Variants in CHP1 observed in about 807,000 individuals in gnomAD.
CHP1 encodes calcineurin B homologous protein 1.
In CHP1, 11 loss-of-function variants were observed where a neutral mutation model predicts 27.4. That is an observed-to-expected ratio of 0.40 (90% CI 0.25 to 0.67). CHP1 has a LOEUF of 0.67. CHP1 is among the 30% of genes least tolerant of loss of function. CHP1 has a pLI of 0.38. For missense variants in CHP1, 169 were observed against 251.3 expected (o/e 0.67, Z 2.22); for synonymous variants, 89 against 87.4 (o/e 1.02, Z -0.10).
Position 41,241,694 on chromosome 15 carries a change from C to T in CHP1, c.68-1973C>T, listed in dbSNP as rs542928057. On this transcript the variant is annotated intron_variant, in intron 1 of 6. Coordinates refer to ENST00000334660, the MANE Select transcript of CHP1 (RefSeq NM_007236.5). ...ACTAGGACAGAACAGAGCCCAGCTT[C>T]GAGGGTGAAACCTGATGCTGAAGAA... Among the ~76,000 whole-genome samples, 8 of 152,300 alleles carry T rather than the reference C, an allele frequency of 5.3e-5. No homozygotes were observed. The South Asian group carries it at 6.2e-4, about 12-fold the overall frequency.
Position 41,275,161 on chromosome 15 carries a change from C to CT in CHP1, c.412-3598dup, listed in dbSNP as rs1292536103. On this transcript the variant is annotated intron_variant, in intron 5 of 6. Coordinates refer to ENST00000334660, the MANE Select transcript of CHP1 (RefSeq NM_007236.5). Reference sequence around the variant, plus strand: ...AATGTACAACTTCCAATTTTCTTTTCTTTTTTTTCGTTTGAGAGGGAGTGT... The same window carrying CT: ...AATGTACAACTTCCAATTTTCTTTTCTTTTTTTTTCGTTTGAGAGGGAGTGT... Among the ~76,000 whole-genome samples the CT allele has an allele frequency of 2.6e-5, 4 of 151,448 alleles. No homozygotes were observed. In the South Asian group the frequency reaches 6.3e-4, roughly 24 times the overall value.
intron 2 of CHP1, among the ~76,000 whole-genome samples, chr15:41,254,332 C>G (rs920866436): frequency 1.3e-5 from 2 of 152,158 alleles, no homozygotes; most frequent in Non-Finnish European, 2.9e-5. Context: ...GTTTCTTAAG[C>G]TTGTTAGACA....
At chr15:41,246,511 G>A (rs2047335207) in intron 2 of CHP1, among the ~76,000 whole-genome samples, 2 of 151,056 alleles carry the variant, frequency 1.3e-5, no homozygotes, top group Admixed American at 6.6e-5. Context: ...GTAGAAACGG[G>A]GTTTCACCAT....
intron 4 of CHP1, among the ~76,000 whole-genome samples, chr15:41,265,710 C>CAAAAA: frequency 8.2e-6 from 1 of 121,658 alleles, no homozygotes; most frequent in African/African-American, 3.0e-5. Flanking sequence ...AACTCCATCT[C>CAAAAA]AAAAAAAAAA....
At position 41,262,800 on chromosome 15, in the gene CHP1, A is replaced by G; in HGVS notation, c.266A>G (p.His89Arg). The G allele has an allele frequency of 1.9e-6, 3 of 1,613,438 alleles. No homozygotes were observed. The highest frequency in any genetic ancestry group is 2.5e-6 in the Non-Finnish European group (3 of 1,179,832). ...NFRGFMRTLA[H>R]FRPIEDNEKS... ...CGTGGATTCATGCGAACTTTGGCTC[A>G]TTTCCGCCCCATTGAGGATAATGAA... The change falls in exon 4 of 7, where the codon CAT becomes CGT. Residue 89 changes from histidine (H) to arginine (R), a missense_variant. Physicochemically the swap from His to Arg is conservative, Grantham distance 29. Coordinates refer to ENST00000334660, the MANE Select transcript of CHP1 (RefSeq NM_007236.5).
At chr15:41,272,579 C>T (rs549455696) in intron 5 of CHP1, among the ~76,000 whole-genome samples, 88 of 151,540 alleles carry the variant, frequency 5.8e-4, no homozygotes, top group African/African-American at 2.0e-3. Flanking sequence ...CACCACCATA[C>T]CCAGCTAATT....
chr15:41,269,400 T>C (rs892169697), intron 4 of CHP1, among the ~76,000 whole-genome samples: 2 of 152,188 alleles, frequency 1.3e-5, no homozygotes, highest in African/African-American at 4.8e-5. Context: ...AGGGGAGTGA[T>C]ATTTAAACCT....
At chr15:41,246,694 C>T (rs543013992) in intron 2 of CHP1, among the ~76,000 whole-genome samples, 1 of 139,656 alleles carries the variant, frequency 7.2e-6, no homozygotes, top group Non-Finnish European at 1.5e-5. Flanking sequence ...GATATCCTGA[C>T]CTCGTGATGC....
chr15:41,238,161 G>A (rs11857726), intron 1 of CHP1, among the ~76,000 whole-genome samples: 60,348 of 151,534 alleles, frequency 0.4, 12,712 homozygotes, highest in African/African-American at 0.52. Flanking sequence ...TTTTTTTGGC[G>A]TGTGTTTTTT....
chr15:41,274,000 G>T (rs935220293), intron 5 of CHP1, among the ~76,000 whole-genome samples: 2 of 151,542 alleles, frequency 1.3e-5, no homozygotes, highest in African/African-American at 4.8e-5. Context: ...TCGCTCTGTC[G>T]CTCGGGCTGG....
At chr15:41,250,800 CAA>C (rs1204567678) in intron 2 of CHP1, among the ~76,000 whole-genome samples, 1 of 150,676 alleles carries the variant, frequency 6.6e-6, no homozygotes, top group African/African-American at 2.4e-5. Context: ...TTCAGAATAT[CAA>C]GAGGAGATAT....
intron 2 of CHP1, among the ~76,000 whole-genome samples, chr15:41,246,944 G>A (rs2047338058): frequency 6.6e-6 from 1 of 150,414 alleles, no homozygotes; most frequent in Non-Finnish European, 1.5e-5. Flanking sequence ...CCAGCACTTT[G>A]GGAGGCTGAG....
At chr15:41,264,402 TAAC>T (rs1236902000) in intron 4 of CHP1, among the ~76,000 whole-genome samples, 1 of 152,100 alleles carries the variant, frequency 6.6e-6, no homozygotes, top group Non-Finnish European at 1.5e-5. Flanking sequence ...GATAGAATAA[TAAC>T]AAAGTGCTAT....
chr15:41,240,363 AAAG>A (rs1404825243), intron 1 of CHP1, among the ~76,000 whole-genome samples: 40 of 152,124 alleles, frequency 2.6e-4, no homozygotes, highest in African/African-American at 9.7e-4. Flanking sequence ...TAAATTGGAT[AAAG>A]AAGGACTCCA....
intron 5 of CHP1, among the ~76,000 whole-genome samples, chr15:41,278,311 C>G (rs1375208804): frequency 9.1e-6 from 1 of 109,804 alleles, no homozygotes; most frequent in African/African-American, 3.7e-5. Flanking sequence ...CCAGCCTGGG[C>G]AACAGAGTGA....
At position 41,280,343 on chromosome 15, in the gene CHP1, G is replaced by C. The variant is rs748217987; in HGVS notation, c.*954G>C. On this transcript the variant is annotated 3_prime_UTR_variant, in exon 7 of 7. Transcript: ENST00000334660. ...CAATATGCCTAGGGACTTTCTCATG[G>C]CTTTTATTTAATAAGGAGGCTGGGC... 2.0e-5 allele frequency: 3 copies of C among 152,544 alleles called. No individual in the cohort carries two copies. Among genetic ancestry groups the C allele is most frequent in the Non-Finnish European group, 4.4e-5 (3 of 68,050 alleles). 9.4% of individuals were successfully genotyped at this position (152,544 alleles called of 1,614,324 possible).
rs538321198 is a variant in CHP1, at chr15:41,267,265, G to GTGGTGA, written c.350-3289_350-3284dup. ...TGCAGAAGTTATGGGGAGATGGATG[G>GTGGTGA]TGGTGATGCTTGCACAACAGTGTGA... On this transcript the variant is annotated intron_variant, in intron 4 of 6. Coordinates refer to ENST00000334660, the MANE Select transcript of CHP1 (RefSeq NM_007236.5). 1.1e-3 allele frequency among the ~76,000 whole-genome samples: 161 copies of GTGGTGA among 152,160 alleles called. 2 individuals carry two copies. Among genetic ancestry groups the GTGGTGA allele is most frequent in the African/African-American group, 3.6e-3 (148 of 41,514 alleles).
chr15:41,242,906 G>T (rs1264104203), intron 1 of CHP1, among the ~76,000 whole-genome samples: 1 of 151,910 alleles, frequency 6.6e-6, no homozygotes, highest in Non-Finnish European at 1.5e-5. Context: ...TTGTGCCATT[G>T]CACTCCAGCC....
At chr15:41,260,172 T>G (rs1595478370) in intron 3 of CHP1, among the ~76,000 whole-genome samples, 2 of 147,786 alleles carry the variant, frequency 1.4e-5, no homozygotes, top group South Asian at 4.3e-4. Flanking sequence ...AGGCTGGGGT[T>G]TTTTTTTTTT....
Sources: gnomAD v4.1 joint callset for allele counts (sites outside exome capture counted in the v4.1 genomes callset) on GRCh38, gnomAD v4.1.1 for gene constraint, MANE v1.5 for transcripts, NCBI Gene and HGNC (gene_info 2026-07-23, HGNC 2026-07-21) for gene names.